Variants in MACROD2 observed in about 807,000 individuals in gnomAD.
MACROD2 encodes the protein ADP-ribose glycohydrolase MACROD2.
In MACROD2, 36 loss-of-function variants were observed where a neutral mutation model predicts 70.4. The ratio of observed to expected loss-of-function variants is 0.51; its 90% confidence interval spans 0.39 to 0.68. The LOEUF (loss-of-function observed/expected upper bound fraction) is 0.68, where lower values mean the gene tolerates loss of function less well. Ranked by LOEUF, MACROD2 falls within the 30% of genes least tolerant of loss-of-function variation. MACROD2 has a pLI of 0.00. For synonymous variants in MACROD2, 172 were observed against 178.8 expected, an observed-to-expected ratio of 0.96 and a Z score of 0.30; for missense variants, 496 against 538.4, an observed-to-expected ratio of 0.92 and a Z score of 0.78.
At chr20:15,917,709 T>A (rs2065339629) in intron 10 of MACROD2, among the ~76,000 whole-genome samples, 2 of 152,168 alleles carry the variant, frequency 1.3e-5, no homozygotes, top group South Asian at 4.1e-4. Context: ...AATTGTTGGA[T>A]GAGAATTCTC....
intron 3 of MACROD2, among the ~76,000 whole-genome samples, chr20:14,460,550 G>A (rs979437988): frequency 6.6e-6 from 1 of 151,914 alleles, no homozygotes; most frequent in South Asian, 2.1e-4. Flanking sequence ...GTATGATATT[G>A]GCTGTGGGTT....
chr20:14,058,183 T>C (rs1400449106), intron 2 of MACROD2, among the ~76,000 whole-genome samples: 2 of 152,154 alleles, frequency 1.3e-5, no homozygotes, highest in Non-Finnish European at 2.9e-5. Flanking sequence ...AAATTTATGA[T>C]TTGTGAGTTT....
chr20:14,585,903 GTTA>G (rs1568684537), intron 4 of MACROD2, among the ~76,000 whole-genome samples: 1 of 152,116 alleles, frequency 6.6e-6, no homozygotes, highest in African/African-American at 2.4e-5. Context: ...TGAACCAACT[GTTA>G]TTAAGACCTT....
intron 6 of MACROD2, among the ~76,000 whole-genome samples, chr20:15,266,941 G>T: frequency 6.6e-6 from 1 of 152,236 alleles, no homozygotes; most frequent in East Asian, 1.9e-4. Context: ...GGGGGCATGA[G>T]AAGGCATTTA....
At chr20:14,876,300 T>G (rs933660552) in intron 5 of MACROD2, among the ~76,000 whole-genome samples, 1 of 152,138 alleles carries the variant, frequency 6.6e-6, no homozygotes, top group Non-Finnish European at 1.5e-5. Context: ...TGTCCTCGTT[T>G]CACTTTTTAA....
intron 3 of MACROD2, among the ~76,000 whole-genome samples, chr20:14,226,917 T>C (rs916377329): frequency 6.6e-6 from 1 of 152,158 alleles, no homozygotes; most frequent in African/African-American, 2.4e-5. Context: ...CTGGCAGGCA[T>C]CTCCACCTGC....
intron 6 of MACROD2, among the ~76,000 whole-genome samples, chr20:15,348,512 G>A (rs569143074): frequency 6.6e-6 from 1 of 152,274 alleles, no homozygotes; most frequent in East Asian, 1.9e-4. Flanking sequence ...ATATGAGTGT[G>A]TATATTAGTC....
rs11484133 is a variant in MACROD2 at position 15,665,989 on chromosome 20, T to TAA, written c.645+166152_645+166153dup. Among the ~76,000 whole-genome samples, 644 of 148,838 alleles carry TAA rather than the reference T, an allele frequency of 4.3e-3. 2 individuals are homozygous for TAA. Among genetic ancestry groups the TAA allele is most frequent in the Non-Finnish European group, 5.9e-3 (393 of 67,034 alleles). ...ATATTTCATGCTGTAGAGAAAATAG[T>TAA]AAAAAAAAAAAGTGTTAGTTAAATT... On this transcript the variant is annotated intron_variant, in intron 8 of 17. Transcript: ENST00000684519.
intron 5 of MACROD2, among the ~76,000 whole-genome samples, chr20:15,208,411 T>G (rs149153570): frequency 2.0e-5 from 3 of 152,342 alleles, no homozygotes; most frequent in Non-Finnish European, 2.9e-5. Flanking sequence ...GTCATCTCTT[T>G]GTTGGGTCTG....
chr20:14,993,481 C>T (rs2074923988), intron 5 of MACROD2, among the ~76,000 whole-genome samples: 2 of 152,000 alleles, frequency 1.3e-5, no homozygotes, highest in South Asian at 4.1e-4. Flanking sequence ...TTATATGATA[C>T]TAATCCAAAA....
intron 3 of MACROD2, among the ~76,000 whole-genome samples, chr20:14,212,216 G>A (rs750168032): frequency 2.0e-5 from 3 of 152,020 alleles, no homozygotes; most frequent in Non-Finnish European, 2.9e-5. Context: ...TAAACACAGA[G>A]CATGTAAATG....
chr20:14,487,480 A>T (rs1482003664), intron 3 of MACROD2, among the ~76,000 whole-genome samples: 1 of 152,198 alleles, frequency 6.6e-6, no homozygotes, highest in Non-Finnish European at 1.5e-5. Context: ...CTGCTTGGCT[A>T]CATCGTGGCA....
At chr20:14,159,733 T>G (rs940300331) in intron 3 of MACROD2, among the ~76,000 whole-genome samples, 3 of 152,228 alleles carry the variant, frequency 2.0e-5, no homozygotes, top group African/African-American at 7.2e-5. Context: ...CTTGCCTGAT[T>G]GCTCTGGCTA....
intron 6 of MACROD2, among the ~76,000 whole-genome samples, chr20:15,365,651 G>C (rs1600299880): frequency 6.6e-6 from 1 of 150,514 alleles, no homozygotes; most frequent in East Asian, 2.0e-4. Flanking sequence ...ACAGAGCGAG[G>C]CTCTGTCTCA....
At chr20:14,830,220 A>G (rs1242249425) in intron 5 of MACROD2, among the ~76,000 whole-genome samples, 1 of 152,116 alleles carries the variant, frequency 6.6e-6, no homozygotes, top group Non-Finnish European at 1.5e-5. Context: ...GCATCACTGA[A>G]ATTTGAATTG....
intron 8 of MACROD2, among the ~76,000 whole-genome samples, chr20:15,648,118 A>G (rs766821680): frequency 6.6e-6 from 1 of 152,214 alleles, no homozygotes; most frequent in African/African-American, 2.4e-5. Flanking sequence ...CAGAGGTGTA[A>G]CACTCAGGGA....
intron 3 of MACROD2, among the ~76,000 whole-genome samples, chr20:14,456,578 A>G (rs1306427833): frequency 6.6e-6 from 1 of 151,828 alleles, no homozygotes; most frequent in Non-Finnish European, 1.5e-5. Flanking sequence ...TCATTAGCCC[A>G]TAAAATCCAG....
intron 8 of MACROD2, among the ~76,000 whole-genome samples, chr20:15,545,680 TAG>T (rs1484107734): frequency 3.3e-5 from 5 of 152,238 alleles, no homozygotes; most frequent in Admixed American, 2.0e-4. Flanking sequence ...ACTCGAGGAT[TAG>T]AGAGTTTCCA....
intron 15 of MACROD2, among the ~76,000 whole-genome samples, chr20:15,990,902 AG>A (rs147016900): frequency 6.6e-6 from 1 of 152,332 alleles, no homozygotes; most frequent in African/African-American, 2.4e-5. Flanking sequence ...AAATTTTCTT[AG>A]AAGGCCAACT....
Sources: gnomAD v4.1 joint callset for allele counts (sites outside exome capture counted in the v4.1 genomes callset) on GRCh38, gnomAD v4.1.1 for gene constraint, MANE v1.5 for transcripts, NCBI Gene and HGNC (gene_info 2026-07-23, HGNC 2026-07-21) for gene names.